Variants in ACO1 observed in about 807,000 individuals in gnomAD.
The protein encoded by ACO1 is aconitase 1, also known as cytoplasmic aconitate hydratase.
Under a neutral mutation model 105.1 loss-of-function variants are expected in ACO1, and 78 were observed. That is an observed-to-expected ratio of 0.74 (90% CI 0.62 to 0.90). The LOEUF (loss-of-function observed/expected upper bound fraction) is 0.90, where lower values mean the gene tolerates loss of function less well. ACO1 is among the 40% of genes least tolerant of loss of function. The pLI is 0.00. For synonymous variants in ACO1, 364 were observed against 397.4 expected (o/e 0.92, Z 1.00); for missense variants, 965 against 1,111.1 (o/e 0.87, Z 1.87).
chr9:32,434,796 G>C, intron 17 of ACO1, 95 bp downstream of exon 17: 2 of 1,459,262 alleles, frequency 1.4e-6, no homozygotes, highest in Non-Finnish European at 1.9e-6. Flanking sequence ...CCTTTGGAAT[G>C]AGACTCTTTG....
At chr9:32,448,198 G>A (rs1169069245) in intron 19 of ACO1, among the ~76,000 whole-genome samples, 1 of 152,222 alleles carries the variant, frequency 6.6e-6, no homozygotes, top group Non-Finnish European at 1.5e-5. Context: ...TTATCTATAA[G>A]TACCTGACTG....
intron 1 of ACO1, among the ~76,000 whole-genome samples, chr9:32,385,636 C>A (rs951157924): frequency 2.0e-5 from 3 of 152,114 alleles, no homozygotes; most frequent in African/African-American, 7.2e-5. Context: ...TTTTGCAAAT[C>A]TCTTTGATGT....
chr9:32,386,214 C>A (rs758927679), intron 1 of ACO1, among the ~76,000 whole-genome samples: 24 of 152,184 alleles, frequency 1.6e-4, no homozygotes, highest in Non-Finnish European at 2.9e-4. Flanking sequence ...GTGAGAGTTA[C>A]CAAGTAGTCA....
chr9:32,427,265 G>A, intron 11 of ACO1, 36 bp from the exon 12 acceptor site: 1 of 1,585,284 alleles, frequency 6.3e-7, no homozygotes, highest in Non-Finnish European at 8.7e-7. Flanking sequence ...AGAGCAGGCA[G>A]CCTCCCACAC....
In ACO1 at chr9:32,448,968, C is replaced by G. The variant is rs769428507; in HGVS notation, c.2443C>G (p.Pro815Ala). Residue 815 changes from proline to alanine, a missense_variant, in exon 20 of 21, where the codon CCA becomes GCA. Transcript: ENST00000309951. ...RSNLVGMGVI[P>A]LEYLPGENAD... The stretch of plus-strand genomic sequence containing the variant: ...TAACCTGGTTGGGATGGGTGTGATC[C>G]CACTTGAATATCTCCCTGGTGAGAA... 3.1e-6 allele frequency: 5 copies of G among 1,614,176 alleles called. 1 individual carries two copies. In the East Asian group the frequency reaches 6.7e-5, roughly 22 times the overall value.
chr9:32,443,625 C>A (rs559938330), intron 19 of ACO1, among the ~76,000 whole-genome samples: 1 of 152,242 alleles, frequency 6.6e-6, no homozygotes, highest in South Asian at 2.1e-4. Flanking sequence ...TCCAGATGTG[C>A]ATATGCTGAT....
At position 32,450,416 on chromosome 9, in the gene ACO1, C is replaced by A. The variant is rs1822737443; in HGVS notation, c.*305C>A. ...TACTGATCACAGGACGTTGCTTTTT[C>A]ACTGTTTCCTATTAATCTTCAGCTG... On this transcript the variant is annotated 3_prime_UTR_variant, in exon 21 of 21. Coordinates refer to ENST00000309951, the MANE Select transcript of ACO1 (RefSeq NM_002197.3). The A allele has an allele frequency of 4.9e-6, 2 of 409,894 alleles. No homozygotes were observed. Among genetic ancestry groups the A allele is most frequent in the African/African-American group, 4.1e-5 (2 of 48,792 alleles). The allele number at this position is 409,894 out of a possible 1,614,324, so 25.4% of individuals were successfully genotyped here. A position where few individuals can be genotyped will look rare whatever the true frequency, so the allele number is the denominator to read the frequency against.
intron 13 of ACO1, among the ~76,000 whole-genome samples, chr9:32,430,031 G>T (rs1310343731): frequency 6.6e-6 from 1 of 152,200 alleles, no homozygotes; most frequent in East Asian, 1.9e-4. Context: ...GCTGAACCTT[G>T]AAAGATATTA....
intron 16 of ACO1, among the ~76,000 whole-genome samples, 155 bp downstream of exon 16, chr9:32,433,987 TG>T (rs1238648524): frequency 6.6e-6 from 1 of 152,150 alleles, no homozygotes; most frequent in Non-Finnish European, 1.5e-5. Flanking sequence ...TTTGGGAGGC[TG>T]GGATATTTGG....
chr9:32,429,382 T>C, intron 12 of ACO1, 37 bp from the exon 13 acceptor site: 1 of 1,596,988 alleles, frequency 6.3e-7, no homozygotes, highest in Non-Finnish European at 8.6e-7. Flanking sequence ...AAAGTTATTC[T>C]TTTTTTGTGT....
intron 10 of ACO1, 101 bp from the exon 11 acceptor site, chr9:32,425,737 G>A: frequency 1.3e-6 from 1 of 775,126 alleles, no homozygotes; most frequent in Non-Finnish European, 1.9e-6. Context: ...TTCTTCTCAA[G>A]TGAGAACTGT....
At chr9:32,435,158 C>G (rs990843065) in intron 17 of ACO1, among the ~76,000 whole-genome samples, 2 of 152,108 alleles carry the variant, frequency 1.3e-5, no homozygotes, top group Non-Finnish European at 2.9e-5. Flanking sequence ...CATAGGTATG[C>G]CAGTATTATC....
chr9:32,400,002 G>A (rs1244817164), intron 1 of ACO1, among the ~76,000 whole-genome samples: 3 of 105,634 alleles, frequency 2.8e-5, no homozygotes, highest in East Asian at 3.1e-4. Flanking sequence ...ATGGAGTCTC[G>A]CTGTGTCACC....
intron 1 of ACO1, among the ~76,000 whole-genome samples, chr9:32,403,531 G>A (rs1212718175): frequency 6.6e-6 from 1 of 152,192 alleles, no homozygotes; most frequent in Non-Finnish European, 1.5e-5. Context: ...TAGGGTGGTG[G>A]GAGTAGCAGG....
At chr9:32,405,230 G>A (rs575135229) in intron 1 of ACO1, among the ~76,000 whole-genome samples, 31 of 152,310 alleles carry the variant, frequency 2.0e-4, no homozygotes, top group African/African-American at 6.7e-4. Context: ...AATCCAGGAA[G>A]ACACAGGCTG....
rs1370702406 is a variant in ACO1, at chr9:32,454,605, T to A, written c.*4494T>A. 2 of 152,202 alleles carry A rather than the reference T, an allele frequency of 1.3e-5. No individual in the cohort carries two copies. The highest frequency in any genetic ancestry group is 3.9e-4 in the East Asian group (2 of 5,190). The allele number at this position is 152,202 out of a possible 1,614,324, so 9.4% of individuals were successfully genotyped here. Reference sequence around the variant, plus strand: ...CCAGTTGTTTCTAAAATGTGGCCTTTGTTCTAGAAATGCAATGACCAGCAT... The same window carrying A: ...CCAGTTGTTTCTAAAATGTGGCCTTAGTTCTAGAAATGCAATGACCAGCAT... On this transcript the variant is annotated 3_prime_UTR_variant, in exon 21 of 21. Coordinates refer to ENST00000309951, the MANE Select transcript of ACO1 (RefSeq NM_002197.3).
intron 11 of ACO1, 80 bp downstream of exon 11, chr9:32,426,077 C>T (rs1286679176): frequency 9.0e-6 from 13 of 1,443,212 alleles, no homozygotes; most frequent in Non-Finnish European, 1.2e-5. Flanking sequence ...AGGGCCTTGG[C>T]GGAGTTGTAC....
At chr9:32,416,059 A>G (rs745615215) in intron 4 of ACO1, among the ~76,000 whole-genome samples, 1 of 151,820 alleles carries the variant, frequency 6.6e-6, no homozygotes, top group East Asian at 1.9e-4. Flanking sequence ...TATTCATATC[A>G]AGAGAAAAAA....
rs149765902 is a variant in ACO1 at position 32,395,776 on chromosome 9, G to A, written c.-22-9709G>A. On this transcript the variant is annotated intron_variant, in intron 1 of 20. Transcript: ENST00000309951. ...GTCTCTGGAATTTATAAATGTCGAA[G>A]TTCACCAAGACTTTTTACGAAACTC... is the stretch of plus-strand genomic sequence containing the variant. Among the ~76,000 whole-genome samples the A allele has an allele frequency of 8.5e-3, 1,300 of 152,316 alleles. 17 individuals are homozygous for A. Among genetic ancestry groups the A allele is most frequent in the African/African-American group, 0.029 (1,214 of 41,568 alleles).
Sources: allele counts gnomAD v4.1 joint callset (sites outside exome capture counted in the v4.1 genomes callset), GRCh38; gene constraint gnomAD v4.1.1; transcripts MANE v1.5; gene names NCBI Gene and HGNC (gene_info 2026-07-23, HGNC 2026-07-21).